Variants in ZNF568 observed in about 807,000 individuals in gnomAD.
ZNF568 encodes p53 inhibitor of SCO2 activation.
In ZNF568, 11 loss-of-function variants were observed where a neutral mutation model predicts 18.1. That is an observed-to-expected ratio of 0.61 (90% CI 0.38 to 1.00). ZNF568 has a LOEUF of 1.00. Among genes scored for constraint, ZNF568 ranks in the 50% least tolerant of loss-of-function variants. The pLI, the probability that ZNF568 is intolerant of heterozygous loss-of-function variation, is 0.01. For synonymous variants in ZNF568, 213 were observed against 246.6 expected, an observed-to-expected ratio of 0.86 and a Z score of 1.28; for missense variants, 639 against 768.2, an observed-to-expected ratio of 0.83 and a Z score of 1.99.
chr19:36,990,227 G>A (rs1351641202), intron 2 of ZNF568, among the ~76,000 whole-genome samples: 1 of 152,280 alleles, frequency 6.6e-6, no homozygotes, highest in East Asian at 1.9e-4. Context: ...TTGTGAGTCT[G>A]GATCTTTCTC....
Position 36,947,782 on chromosome 19 carries a change from G to C in ZNF568, c.359-1730G>C, listed in dbSNP as rs79298651. On this transcript the variant is annotated intron_variant, in intron 6 of 6. Transcript: ENST00000333987. ...AATATAGGTACAGCCCACTGCATCTGGTTTTTTAAATTAATAAACTTCATC... is the reference window on the plus strand; with the variant it reads ...AATATAGGTACAGCCCACTGCATCTCGTTTTTTAAATTAATAAACTTCATC... 7.1e-3 allele frequency among the ~76,000 whole-genome samples: 1,084 copies of C among 152,194 alleles called. 6 individuals carry two copies. The highest frequency in any genetic ancestry group is 0.012 in the Non-Finnish European group (816 of 68,008).
intron 4 of ZNF568, among the ~76,000 whole-genome samples, chr19:36,927,862 A>G (rs192175758): frequency 0.031 from 1,367 of 44,458 alleles, 18 homozygotes; most frequent in East Asian, 0.091. Context: ...GTGTGTGTGT[A>G]TATATATATA....
Position 36,922,670 on chromosome 19 carries a change from C to G in ZNF568, c.-101C>G. The G allele has an allele frequency of 2.2e-6, 2 of 929,348 alleles. No homozygotes were observed. The allele number at this position is 929,348 out of a possible 1,614,324, so 57.6% of individuals were successfully genotyped here. On this transcript the variant is annotated 5_prime_UTR_variant, in exon 3 of 7. Transcript: ENST00000333987. ...TGTCTTATCATGGAAGGAGACCTGACCTGAGACCTGCCTTAGAGGCTGGAG... is the reference window on the plus strand; with the variant it reads ...TGTCTTATCATGGAAGGAGACCTGAGCTGAGACCTGCCTTAGAGGCTGGAG...
downstream of ZNF568, among the ~76,000 whole-genome samples, chr19:36,952,986 T>A (rs1185906257): frequency 6.6e-6 from 1 of 152,256 alleles, no homozygotes; most frequent in Non-Finnish European, 1.5e-5. Flanking sequence ...GAAATTGGAC[T>A]CCTTTCAACT....
chr19:36,992,894 C>G (rs958702029), intron 4 of ZNF568, among the ~76,000 whole-genome samples: 1 of 152,192 alleles, frequency 6.6e-6, no homozygotes, highest in African/African-American at 2.4e-5. Flanking sequence ...TATCACACAA[C>G]ATATAATTTA....
At chr19:36,947,623 T>G (rs1468554237) in intron 6 of ZNF568, among the ~76,000 whole-genome samples, 1 of 152,156 alleles carries the variant, frequency 6.6e-6, no homozygotes, top group East Asian at 1.9e-4. Context: ...TGCTCCCTAC[T>G]CAGACTTTAA....
chr19:36,990,628 T>G (rs2074415620), intron 2 of ZNF568, among the ~76,000 whole-genome samples: 1 of 151,962 alleles, frequency 6.6e-6, no homozygotes, highest in Non-Finnish European at 1.5e-5. Context: ...AACAAAAAAT[T>G]GTTGAAAAAT....
chr19:36,956,139 C>T (rs887506428), downstream of ZNF568, among the ~76,000 whole-genome samples: 2 of 152,310 alleles, frequency 1.3e-5, no homozygotes, highest in South Asian at 4.1e-4. Context: ...ATGGTGTCAT[C>T]CTGATCCCTG....
chr19:36,922,705 A>G lies in ZNF568; in HGVS notation c.-66A>G. ...GCCTTAGAGGCTGGAGAGTCCTGAAAGAGAGTGGACCCTGGAGTTGCTGGA... is the reference window on the plus strand; with the variant it reads ...GCCTTAGAGGCTGGAGAGTCCTGAAGGAGAGTGGACCCTGGAGTTGCTGGA... On this transcript the variant is annotated 5_prime_UTR_variant, in exon 3 of 7. Transcript: ENST00000333987. 1.4e-6 allele frequency: 2 copies of G among 1,448,202 alleles called. No individual in the cohort carries two copies. The highest frequency in any genetic ancestry group is 2.3e-5 in the East Asian group (1 of 43,844). The allele number at this position is 1,448,202 out of a possible 1,614,324, so 89.7% of individuals were successfully genotyped here. A position where few individuals can be genotyped will look rare whatever the true frequency, so the allele number is the denominator to read the frequency against.
At chr19:36,947,379 C>A (rs1172773942) in intron 6 of ZNF568, among the ~76,000 whole-genome samples, 1 of 152,098 alleles carries the variant, frequency 6.6e-6, no homozygotes, top group Admixed American at 6.6e-5. Flanking sequence ...ATCTTTTTAT[C>A]TCCTATGTGT....
downstream of ZNF568, among the ~76,000 whole-genome samples, chr19:36,955,880 G>C (rs960717230): frequency 1.3e-5 from 2 of 152,136 alleles, no homozygotes; most frequent in Admixed American, 6.6e-5. Flanking sequence ...CTGGCTGGCC[G>C]GTGGACCATT....
intron 2 of ZNF568, chr19:36,991,045 T>C: frequency 3.2e-6 from 3 of 947,382 alleles, no homozygotes; most frequent in Non-Finnish European, 4.6e-6. Flanking sequence ...CCCCTCCATG[T>C]TGAAGGAGCC....
rs386388962 is a variant in ZNF568, at chr19:36,939,532, CTTTTTTTTTTTTTT to C, written c.358+2302_358+2315del. Among the ~76,000 whole-genome samples the C allele has an allele frequency of 1.8e-4, 17 of 93,068 alleles. No homozygotes were observed. In the East Asian group the frequency reaches 4.9e-3, roughly 27 times the overall value. The allele number at this position is 93,068 out of a possible 152,430, so 61.1% of individuals were successfully genotyped here. On this transcript the variant is annotated intron_variant, in intron 6 of 6. Coordinates refer to ENST00000333987, the MANE Select transcript of ZNF568 (RefSeq NM_198539.4). ...GGTTCATTGAAGATGTATTTTCTTT[CTTTTTTTTTTTTTT>C]TTTTTTTTTTTGAGACGGAGTCTCA...
downstream of ZNF568, among the ~76,000 whole-genome samples, chr19:36,955,160 C>T (rs566325981): frequency 6.6e-6 from 1 of 151,824 alleles, no homozygotes; most frequent in Non-Finnish European, 1.5e-5. Context: ...TTTCGTGTAT[C>T]CACACAAGTA....
At chr19:36,961,108 T>A (rs1445214140) in intron 6 of ZNF568, among the ~76,000 whole-genome samples, 1 of 152,172 alleles carries the variant, frequency 6.6e-6, no homozygotes, top group Non-Finnish European at 1.5e-5. Context: ...ATGCTGAGAA[T>A]GGGATGTTGA....
At chr19:36,953,754 A>T (rs1342425408), downstream of ZNF568, among the ~76,000 whole-genome samples, 1 of 152,052 alleles carries the variant, frequency 6.6e-6, no homozygotes, top group Non-Finnish European at 1.5e-5. Context: ...TCTACTAAAA[A>T]TACAAAAATT....
At chr19:36,962,332 C>CTT (rs2074160875) in intron 6 of ZNF568, among the ~76,000 whole-genome samples, 1 of 12,522 alleles carries the variant, frequency 8.0e-5, no homozygotes, top group Non-Finnish European at 1.6e-4. Context: ...TTGAGCTTTT[C>CTT]TTTCTTTTTT....
intron 6 of ZNF568, among the ~76,000 whole-genome samples, chr19:36,965,788 G>GATTCAAGTGAA (rs1293562136): frequency 6.8e-6 from 1 of 147,320 alleles, no homozygotes; most frequent in Non-Finnish European, 1.5e-5. Flanking sequence ...TGCAACCTCT[G>GATTCAAGTGAA]CCTCCTGGTT....
chr19:36,917,818 CT>C (rs1449402066), intron 2 of ZNF568, among the ~76,000 whole-genome samples, 170 bp downstream of exon 2: 1 of 152,060 alleles, frequency 6.6e-6, no homozygotes, highest in African/African-American at 2.4e-5. Flanking sequence ...TGCTATTATC[CT>C]TTTTTAATAT....
Sources: gnomAD v4.1 joint callset for allele counts (sites outside exome capture counted in the v4.1 genomes callset) on GRCh38, gnomAD v4.1.1 for gene constraint, MANE v1.5 for transcripts, NCBI Gene and HGNC (gene_info 2026-07-23, HGNC 2026-07-21) for gene names.